The following SLC5A3 variants were observed in gnomAD, a reference collection of about 807,000 sequenced individuals.
The protein encoded by SLC5A3 is solute carrier family 5 member 3.
Under a neutral mutation model 43.2 loss-of-function variants are expected in SLC5A3, and 10 were observed. The observed-to-expected ratio is 0.23, with a 90% confidence interval of 0.14 to 0.39. The LOEUF is 0.39. Ranked by LOEUF, SLC5A3 falls within the 10% of genes least tolerant of loss-of-function variation. SLC5A3 has a pLI of 1.00. For missense variants in SLC5A3, 608 were observed against 893.4 expected (o/e 0.68, Z 4.07); for synonymous variants, 349 against 322.0 (o/e 1.08, Z -0.90).
chr21:34,097,392 A>C lies in SLC5A3; in HGVS notation c.*37A>C. On this transcript the variant is annotated 3_prime_UTR_variant, in exon 2 of 2. Coordinates refer to ENST00000381151, the MANE Select transcript of SLC5A3 (RefSeq NM_006933.7). The stretch of plus-strand genomic sequence containing the variant: ...TGGTGAGACACTAACTTAAGACAAT[A>C]CTGACTGGTCTTTGGGGAAAAAAGT... The C allele has an allele frequency of 6.6e-7, 1 of 1,511,960 alleles. No homozygotes were observed. The highest frequency in any genetic ancestry group is 8.8e-7 in the Non-Finnish European group (1 of 1,137,292). 93.7% of individuals were successfully genotyped at this position (1,511,960 alleles called of 1,614,324 possible). A position where few individuals can be genotyped will look rare whatever the true frequency, so the allele number is the denominator to read the frequency against.
Position 34,097,112 on chromosome 21 carries a change from C to A in SLC5A3, c.1914C>A (p.Leu638=). The A allele has an allele frequency of 6.2e-7, 1 of 1,613,994 alleles. No individual in the cohort carries two copies. Among genetic ancestry groups the A allele is most frequent in the Non-Finnish European group, 8.5e-7 (1 of 1,179,972 alleles). The change falls in exon 2 of 2, where the codon CTC becomes CTA. Residue 638 remains leucine, a synonymous_variant. Coordinates refer to ENST00000381151, the MANE Select transcript of SLC5A3 (RefSeq NM_006933.7). ...VDAYSNGQAA[L]MGEKERKKET... ...CTTACTCCAATGGGCAAGCAGCTCT[C>A]ATGGGTGAGAAAGAGAGAAAGAAAG...
In SLC5A3 at chr21:34,102,051, A is replaced by G; in HGVS notation, c.*4696A>G. The G allele has an allele frequency of 1.0e-6, 1 of 1,000,142 alleles. No homozygotes were observed. Among genetic ancestry groups the G allele is most frequent in the Non-Finnish European group, 1.2e-6 (1 of 829,868 alleles). The allele number at this position is 1,000,142 out of a possible 1,614,324, so 62.0% of individuals were successfully genotyped here. A position where few individuals can be genotyped will look rare whatever the true frequency, so the allele number is the denominator to read the frequency against. On this transcript the variant is annotated 3_prime_UTR_variant, in exon 2 of 2. Coordinates refer to ENST00000381151, the MANE Select transcript of SLC5A3 (RefSeq NM_006933.7). ...CTGGAACGTATGAGGCTGGATTGTG[A>G]AAAGGTAATCTTTCGATTGCTAGAC...
intron 1 of SLC5A3, among the ~76,000 whole-genome samples, chr21:34,087,876 C>T (rs183236847): frequency 4.6e-5 from 7 of 152,144 alleles, no homozygotes; most frequent in South Asian, 4.1e-4. Context: ...TTTTAAGTAT[C>T]GCCAACAGGC....
Position 34,100,673 on chromosome 21 carries a change from G to T in SLC5A3, c.*3318G>T. Reference sequence around the variant, plus strand: ...TCACATTTTAAGAACTGAGTTGAGGGGGTTGTTATGCACTTCTGTAACTTG... The same window carrying T: ...TCACATTTTAAGAACTGAGTTGAGGTGGTTGTTATGCACTTCTGTAACTTG... On this transcript the variant is annotated 3_prime_UTR_variant, in exon 2 of 2. Transcript: ENST00000381151. 1.0e-6 allele frequency: 1 copy of T among 1,000,174 alleles called. No individual in the cohort carries two copies. The highest frequency in any genetic ancestry group is 1.2e-6 in the Non-Finnish European group (1 of 829,970). The allele number at this position is 1,000,174 out of a possible 1,614,324, so 62.0% of individuals were successfully genotyped here. A position where few individuals can be genotyped will look rare whatever the true frequency, so the allele number is the denominator to read the frequency against.
chr21:34,074,271 C>T (rs915288401), intron 1 of SLC5A3, among the ~76,000 whole-genome samples: 2 of 152,030 alleles, frequency 1.3e-5, no homozygotes, highest in African/African-American at 2.4e-5. Flanking sequence ...TAAAGCGTTC[C>T]TCCAAAGCTT....
At chr21:34,087,892 T>TGATG (rs1321417358) in intron 1 of SLC5A3, among the ~76,000 whole-genome samples, 1 of 152,236 alleles carries the variant, frequency 6.6e-6, no homozygotes, top group Non-Finnish European at 1.5e-5. Context: ...CAGGCTTTGC[T>TGATG]GATGGATTGA....
intron 1 of SLC5A3, among the ~76,000 whole-genome samples, chr21:34,094,064 T>C (rs1978849507): frequency 6.6e-6 from 1 of 152,250 alleles, no homozygotes; most frequent in South Asian, 2.1e-4. Flanking sequence ...GAGGTTGTTT[T>C]GGAAATACTG....
At chr21:34,084,566 C>G (rs1044082001) in intron 1 of SLC5A3, among the ~76,000 whole-genome samples, 20 of 152,098 alleles carry the variant, frequency 1.3e-4, no homozygotes, top group African/African-American at 3.6e-4. Flanking sequence ...GATATATATA[C>G]ACACCTACAT....
In SLC5A3 at chr21:34,105,768, A is replaced by G; in HGVS notation, c.*8413A>G. On this transcript the variant is annotated 3_prime_UTR_variant, in exon 2 of 2. Coordinates refer to ENST00000381151, the MANE Select transcript of SLC5A3 (RefSeq NM_006933.7). ...GCTTTTTTAATTTTAAGGTTTGACT[A>G]ATTGTATCCATCTCATTGTACAGTG... 9.0e-6 allele frequency: 9 copies of G among 995,598 alleles called. No homozygotes were observed. Among genetic ancestry groups the G allele is most frequent in the Non-Finnish European group, 1.1e-5 (9 of 825,844 alleles). The allele number at this position is 995,598 out of a possible 1,614,324, so 61.7% of individuals were successfully genotyped here.
rs1056717444 is a variant in SLC5A3, at chr21:34,103,523, C to T, written c.*6168C>T. The T allele has an allele frequency of 1.0e-6, 1 of 999,764 alleles. No homozygotes were observed. The highest frequency in any genetic ancestry group is 5.2e-4 in the Middle Eastern group (1 of 1,916). 61.9% of individuals were successfully genotyped at this position (999,764 alleles called of 1,614,324 possible). ...TTGATAGGTATATCGAGAACAGGTA[C>T]GTGACAACAGTTTATATTCCATGAT... is the stretch of plus-strand genomic sequence containing the variant. On this transcript the variant is annotated 3_prime_UTR_variant, in exon 2 of 2. Coordinates refer to ENST00000381151, the MANE Select transcript of SLC5A3 (RefSeq NM_006933.7).
In SLC5A3 at chr21:34,105,036, C is replaced by G. The variant is rs981353919; in HGVS notation, c.*7681C>G. On this transcript the variant is annotated 3_prime_UTR_variant, in exon 2 of 2. Transcript: ENST00000381151. ...TCTAACTTTTGAGTGGCAAACAGAT[C>G]AAGTCTTTTGCTCATAGACTTTTCT... 1 of 999,722 alleles carries G rather than the reference C, an allele frequency of 1.0e-6. No individual in the cohort carries two copies. The highest frequency in any genetic ancestry group is 1.2e-6 in the Non-Finnish European group (1 of 829,720). The allele number at this position is 999,722 out of a possible 1,614,324, so 61.9% of individuals were successfully genotyped here. A position where few individuals can be genotyped will look rare whatever the true frequency, so the allele number is the denominator to read the frequency against.
chr21:34,094,591 T>C (rs1324341384), intron 1 of SLC5A3, among the ~76,000 whole-genome samples: 1 of 152,232 alleles, frequency 6.6e-6, no homozygotes, highest in African/African-American at 2.4e-5. Flanking sequence ...AATGCTGTGG[T>C]AGGCAGTTAG....
intron 1 of SLC5A3, among the ~76,000 whole-genome samples, chr21:34,075,078 G>T (rs1189356093): frequency 6.6e-6 from 1 of 152,190 alleles, no homozygotes; most frequent in East Asian, 1.9e-4. Context: ...ATGTAACTCC[G>T]AAAGGATAGG....
intron 1 of SLC5A3, among the ~76,000 whole-genome samples, chr21:34,080,733 T>G (rs754229948): frequency 6.6e-6 from 1 of 152,258 alleles, no homozygotes; most frequent in African/African-American, 2.4e-5. Context: ...TCTTGAGAGC[T>G]GAGTCTTTCA....
intron 1 of SLC5A3, among the ~76,000 whole-genome samples, chr21:34,086,879 G>A (rs1226712836): frequency 6.6e-6 from 1 of 152,158 alleles, no homozygotes; most frequent in Non-Finnish European, 1.5e-5. Context: ...GTTTCTGTTG[G>A]GTGAGCTGAA....
chr21:34,104,120 C>T lies in SLC5A3; in HGVS notation c.*6765C>T, dbSNP rs1979369736. 1.5e-5 allele frequency: 15 copies of T among 999,522 alleles called. No homozygotes were observed. The highest frequency in any genetic ancestry group is 1.7e-5 in the African/African-American group (1 of 57,154). 61.9% of individuals were successfully genotyped at this position (999,522 alleles called of 1,614,324 possible). On this transcript the variant is annotated 3_prime_UTR_variant, in exon 2 of 2. Coordinates refer to ENST00000381151, the MANE Select transcript of SLC5A3 (RefSeq NM_006933.7). ...CGTTTGTATGTGAGAGATGAAGTTACCTTTATTTTTTTCCTATACTTGACT... is the reference window on the plus strand; with the variant it reads ...CGTTTGTATGTGAGAGATGAAGTTATCTTTATTTTTTTCCTATACTTGACT...
chr21:34,106,051 C>T lies in SLC5A3; in HGVS notation c.*8696C>T, dbSNP rs560478317. On this transcript the variant is annotated 3_prime_UTR_variant, in exon 2 of 2. Coordinates refer to ENST00000381151, the MANE Select transcript of SLC5A3 (RefSeq NM_006933.7). ...AAGAGCTGTCAGTTTTCATTACTGA[C>T]TCTGTAAAATACACTGTTCTTTGTG... is the stretch of plus-strand genomic sequence containing the variant. 2 of 997,090 alleles carry T rather than the reference C, an allele frequency of 2.0e-6. No homozygotes were observed. The highest frequency in any genetic ancestry group is 4.7e-5 in the South Asian group (1 of 21,214). The allele number at this position is 997,090 out of a possible 1,614,324, so 61.8% of individuals were successfully genotyped here.
rs765610386 is a variant in SLC5A3 at position 34,096,464 on chromosome 21, C to G, written c.1266C>G (p.Ser422Arg). Residue 422 changes from serine (S) to arginine (R), a missense_variant, in exon 2 of 2, where the codon AGC (serine) becomes AGG (arginine). Ser to Arg is a moderately radical substitution (Grantham distance 110). Coordinates refer to ENST00000381151, the MANE Select transcript of SLC5A3 (RefSeq NM_006933.7). This position sits in a 1 kb window ranked among gnomAD's most constrained non-coding sequence, Gnocchi z 5.9. ...RIFVAFMVVI[S>R]IAWVPIIVEM... ...TTGTGGCATTTATGGTGGTGATCAG[C>G]ATAGCATGGGTGCCAATCATCGTGG... is the stretch of plus-strand genomic sequence containing the variant. 1 of 1,614,170 alleles carries G rather than the reference C, an allele frequency of 6.2e-7. No individual in the cohort carries two copies. The highest frequency in any genetic ancestry group is 8.5e-7 in the Non-Finnish European group (1 of 1,180,024).
rs757861242 is a variant in SLC5A3, at chr21:34,101,873, T to C, written c.*4518T>C. On this transcript the variant is annotated 3_prime_UTR_variant, in exon 2 of 2. Coordinates refer to ENST00000381151, the MANE Select transcript of SLC5A3 (RefSeq NM_006933.7). ...TTCTCAAAACTCCTTTTTCAAAAATTAGGGAGAGAGCAGTAGTGATCATTT... is the reference window on the plus strand; with the variant it reads ...TTCTCAAAACTCCTTTTTCAAAAATCAGGGAGAGAGCAGTAGTGATCATTT... The C allele has an allele frequency of 5.1e-5, 51 of 1,000,038 alleles. No homozygotes were observed. The highest frequency in any genetic ancestry group is 6.2e-5 in the Admixed American group (1 of 16,244). 61.9% of individuals were successfully genotyped at this position (1,000,038 alleles called of 1,614,324 possible).
Sources: gnomAD v4.1 joint callset for allele counts (sites outside exome capture counted in the v4.1 genomes callset) on GRCh38, gnomAD v4.1.1 for gene constraint, Gnocchi (gnomAD v3.1) non-coding constraint, MANE v1.5 for transcripts, NCBI Gene and HGNC (gene_info 2026-07-23, HGNC 2026-07-21) for gene names.